VAV3: variants seen among roughly 807,000 people sequenced by gnomAD.
The protein encoded by VAV3 is vav guanine nucleotide exchange factor 3, also known as guanine nucleotide exchange factor VAV3.
Under a neutral mutation model 131.2 loss-of-function variants are expected in VAV3, and 94 were observed. The ratio of observed to expected loss-of-function variants is 0.72; its 90% CI spans 0.61 to 0.85. VAV3 has a LOEUF of 0.85. VAV3 is among the 40% of genes least tolerant of loss of function. The pLI is 0.00. For missense variants in VAV3, 939 were observed against 1,002.7 expected (o/e 0.94, Z 0.86); for synonymous variants, 349 against 342.0 (o/e 1.02, Z -0.22).
intron 15 of VAV3, among the ~76,000 whole-genome samples, chr1:107,735,821 A>G (rs542719937): frequency 6.6e-6 from 1 of 152,380 alleles, no homozygotes; most frequent in Non-Finnish European, 1.5e-5. Context: ...TCCAATCAAT[A>G]GAAAAAGAGG....
At chr1:107,785,627 G>A (rs748667717) in intron 2 of VAV3, 33 of 1,140,126 alleles carry the variant, frequency 2.9e-5, no homozygotes, top group African/African-American at 3.4e-5. Flanking sequence ...GTTTCTGAAG[G>A]ATCAGAGCAA....
chr1:107,960,154 T>C (rs910173841), intron 1 of VAV3, among the ~76,000 whole-genome samples: 1 of 152,160 alleles, frequency 6.6e-6, no homozygotes, highest in African/African-American at 2.4e-5. Context: ...CTCAATGCAG[T>C]AGCCAAAGTA....
At chr1:107,841,634 G>A (rs1029550858) in intron 2 of VAV3, among the ~76,000 whole-genome samples, 4 of 152,244 alleles carry the variant, frequency 2.6e-5, no homozygotes, top group African/African-American at 9.6e-5. Context: ...CTTTAACTGC[G>A]ATGGGAAGTA....
At chr1:107,725,062 A>G (rs2101939605) in intron 15 of VAV3, among the ~76,000 whole-genome samples, 1 of 152,242 alleles carries the variant, frequency 6.6e-6, no homozygotes, top group East Asian at 1.9e-4. Flanking sequence ...TAGGTAGAAG[A>G]CCCTGAAGAC....
intron 12 of VAV3, among the ~76,000 whole-genome samples, chr1:107,753,549 T>TATATATATATATATACACAC (rs771773884): frequency 2.4e-5 from 2 of 82,070 alleles, no homozygotes; most frequent in African/African-American, 9.2e-5. Flanking sequence ...TATATATATA[T>TATATATATATATATACACAC]ACACACACAC....
intron 1 of VAV3, among the ~76,000 whole-genome samples, chr1:107,905,682 T>C (rs536934810): frequency 4.6e-5 from 7 of 152,352 alleles, no homozygotes; most frequent in South Asian, 2.1e-4. Flanking sequence ...TTGATTCAAT[T>C]TTATTGATTT....
chr1:107,671,380 C>A (rs773944293), intron 19 of VAV3, among the ~76,000 whole-genome samples: 8 of 152,176 alleles, frequency 5.3e-5, no homozygotes, highest in Non-Finnish European at 8.8e-5. Flanking sequence ...CCGACTTCTC[C>A]AAGAAAGTCT....
chr1:107,705,173 G>T, intron 15 of VAV3, 112 bp from the exon 16 acceptor site: 1 of 782,850 alleles, frequency 1.3e-6, no homozygotes, highest in Non-Finnish European at 2.1e-6. Context: ...TCTGATTCAA[G>T]CAAAATGACT....
At chr1:107,654,884 A>T (rs1656427266) in intron 19 of VAV3, among the ~76,000 whole-genome samples, 1 of 152,138 alleles carries the variant, frequency 6.6e-6, no homozygotes, top group South Asian at 2.1e-4. Context: ...CTACATTCTA[A>T]AAGTATAATA....
intron 3 of VAV3, among the ~76,000 whole-genome samples, 181 bp from the exon 4 acceptor site, chr1:107,777,477 C>A (rs758960676): frequency 2.8e-4 from 42 of 152,164 alleles, no homozygotes; most frequent in Non-Finnish European, 5.4e-4. Context: ...GTGGCTTTGT[C>A]TGGGGTTCCC....
chr1:107,625,301 C>T (rs1052998259), intron 20 of VAV3, among the ~76,000 whole-genome samples: 1 of 151,034 alleles, frequency 6.6e-6, no homozygotes. Flanking sequence ...CTCTGCTGCC[C>T]AGGCTGGAGT....
intron 21 of VAV3, among the ~76,000 whole-genome samples, chr1:107,611,907 C>T (rs1652764733): frequency 6.6e-6 from 1 of 152,048 alleles, no homozygotes; most frequent in Non-Finnish European, 1.5e-5. Flanking sequence ...GCCCTCTGCA[C>T]TTTCTTCTGT....
chr1:107,927,708 G>T (rs889137056), intron 1 of VAV3, among the ~76,000 whole-genome samples: 25 of 152,052 alleles, frequency 1.6e-4, no homozygotes, highest in Non-Finnish European at 3.5e-4. Flanking sequence ...GGAAAGGGGA[G>T]GGAAGAGTAG....
intron 2 of VAV3, among the ~76,000 whole-genome samples, chr1:107,798,563 C>CA (rs1666665537): frequency 6.6e-6 from 1 of 151,394 alleles, no homozygotes; most frequent in South Asian, 2.1e-4. Flanking sequence ...ACTAAAAATA[C>CA]AAAAAATTAG....
At chr1:107,703,349 A>C (rs1660249167) in intron 17 of VAV3, among the ~76,000 whole-genome samples, 1 of 152,306 alleles carries the variant, frequency 6.6e-6, no homozygotes, top group Admixed American at 6.5e-5. Flanking sequence ...AGTTTATTTA[A>C]CAGCCCTTGA....
At chr1:107,760,911 G>A (rs777708542) in intron 9 of VAV3, 32 bp from the exon 10 acceptor site, 4 of 1,538,418 alleles carry the variant, frequency 2.6e-6, no homozygotes, top group African/African-American at 1.4e-5. Flanking sequence ...ACTTTGTTAG[G>A]GAGTCATAAA....
chr1:107,701,846 G>A (rs376230382), intron 17 of VAV3, among the ~76,000 whole-genome samples: 2 of 152,204 alleles, frequency 1.3e-5, no homozygotes, highest in African/African-American at 2.4e-5. Flanking sequence ...ACCTCAGCCC[G>A]AACTTCATTG....
At chr1:107,652,858 T>G (rs1054459878) in intron 19 of VAV3, among the ~76,000 whole-genome samples, 1 of 152,152 alleles carries the variant, frequency 6.6e-6, no homozygotes, top group African/African-American at 2.4e-5. Context: ...GTTTTTGACA[T>G]GTAAAACTGC....
At chr1:107,595,019 G>A (rs1290288939) in intron 25 of VAV3, among the ~76,000 whole-genome samples, 2 of 152,222 alleles carry the variant, frequency 1.3e-5, no homozygotes, top group African/African-American at 4.8e-5. Flanking sequence ...GATATTGGTA[G>A]GAAAATTGTT....
Sources: allele counts gnomAD v4.1 joint callset (sites outside exome capture counted in the v4.1 genomes callset), GRCh38; gene constraint gnomAD v4.1.1; transcripts MANE v1.5; gene names NCBI Gene and HGNC (gene_info 2026-07-23, HGNC 2026-07-21).